KIDINS220: variants seen among roughly 807,000 people sequenced by gnomAD.
The protein encoded by KIDINS220 is kinase D-interacting substrate of 220 kDa.
KIDINS220 carries 63 observed loss-of-function variants against 157.6 expected under a neutral mutation model. The ratio of observed to expected loss-of-function variants is 0.40; its 90% CI spans 0.33 to 0.49. KIDINS220 has a LOEUF of 0.49. KIDINS220 is among the 20% of genes least tolerant of loss of function. KIDINS220 has a pLI of 0.66. For synonymous variants in KIDINS220, 732 were observed against 783.6 expected (o/e 0.93, Z 1.10); for missense variants, 1,772 against 2,171.2 (o/e 0.82, Z 3.65).
chr2:8,755,529 A>C (rs1667900818), intron 22 of KIDINS220, among the ~76,000 whole-genome samples: 1 of 152,254 alleles, frequency 6.6e-6, no homozygotes, highest in Non-Finnish European at 1.5e-5. Context: ...ATGCACACAA[A>C]GGTGTTCTTC....
chr2:8,768,877 T>C (rs1669813443), intron 22 of KIDINS220, among the ~76,000 whole-genome samples: 1 of 152,210 alleles, frequency 6.6e-6, no homozygotes, highest in Non-Finnish European at 1.5e-5. Context: ...TATATAATTA[T>C]TTTAAGTCAA....
chr2:8,758,847 T>C (rs1269480698), intron 22 of KIDINS220, among the ~76,000 whole-genome samples: 2 of 152,146 alleles, frequency 1.3e-5, no homozygotes, highest in African/African-American at 2.4e-5. Flanking sequence ...GGTCAGAAAG[T>C]AGACACTTTG....
chr2:8,727,211 C>A (rs1295311212), downstream of KIDINS220: 1 of 1,125,850 alleles, frequency 8.9e-7, no homozygotes, highest in East Asian at 6.0e-5. Flanking sequence ...ATGCTGCCCC[C>A]GCAAAAGAAC....
At chr2:8,723,821 A>T (rs1359517937), downstream of KIDINS220, 20 of 152,260 alleles carry the variant, frequency 1.3e-4, no homozygotes, top group Admixed American at 1.2e-3. Context: ...GGGCATTTCC[A>T]CAAAGGACTA....
chr2:8,812,485 A>G lies in KIDINS220; in HGVS notation c.414T>C (p.Val138=), dbSNP rs1362753944. 6.3e-7 allele frequency: 1 copy of G among 1,586,798 alleles called. No individual in the cohort carries two copies. The highest frequency in any genetic ancestry group is 1.8e-5 in the Admixed American group (1 of 56,894). Residue 138 remains valine, a synonymous_variant, in exon 6 of 30, where the codon GTT becomes GTC. Coordinates refer to ENST00000256707, the MANE Select transcript of KIDINS220 (RefSeq NM_020738.4). ...TCCCTGCTGCCCAAATGATTGGGTA[A>G]ACACTGTACTGCTAGGATAGATTGG... ...ANPSVTGLYS[V]YPIIWAAGRG... is the part of the protein sequence containing the mutation.
At chr2:8,758,900 G>A (rs1377236452) in intron 22 of KIDINS220, among the ~76,000 whole-genome samples, 1 of 152,184 alleles carries the variant, frequency 6.6e-6, no homozygotes, top group Non-Finnish European at 1.5e-5. Flanking sequence ...AGCTGAAGCT[G>A]TCCACATGCA....
In KIDINS220 at chr2:8,729,486, G is replaced by C. The variant is rs1253654644; in HGVS notation, c.*1234C>G. The C allele has an allele frequency of 2.0e-6, 2 of 985,062 alleles. No homozygotes were observed. Among genetic ancestry groups the C allele is most frequent in the African/African-American group, 3.5e-5 (2 of 57,194 alleles). The allele number at this position is 985,062 out of a possible 1,614,324, so 61.0% of individuals were successfully genotyped here. On this transcript the variant is annotated 3_prime_UTR_variant, in exon 30 of 30. Transcript: ENST00000256707. ...ACAATATTTCATTGCATGATGACAG[G>C]GTACATTTCTAGTCCACACAGTACT...
Position 8,731,687 on chromosome 2 carries a change from A to C in KIDINS220, c.4349T>G (p.Phe1450Cys). The C allele has an allele frequency of 6.2e-7, 1 of 1,614,204 alleles. No homozygotes were observed. The change falls in exon 30 of 30, where the codon TTT becomes TGT. Residue 1450 changes from phenylalanine to cysteine, a missense_variant. Phe to Cys is a radical substitution (Grantham distance 205). Coordinates refer to ENST00000256707, the MANE Select transcript of KIDINS220 (RefSeq NM_020738.4). This position sits in a 1 kb window ranked among gnomAD's most constrained non-coding sequence, Gnocchi z 5.2. Reference sequence around the variant, plus strand: ...GATAACATCTCCCCTCTTCATTAGAAAGGACTTCCTCCCATCATCGGGCTT... The same window carrying C: ...GATAACATCTCCCCTCTTCATTAGACAGGACTTCCTCCCATCATCGGGCTT... ...EPKPDDGRKS[F>C]LMKRGDVIDY...
chr2:8,757,675 T>C (rs1326151236), intron 22 of KIDINS220: 1 of 1,612,572 alleles, frequency 6.2e-7, no homozygotes, highest in Non-Finnish European at 8.5e-7. Context: ...CATGTCCTGC[T>C]TATTTGCAAA....
intron 29 of KIDINS220, 27 bp downstream of exon 29, chr2:8,733,417 A>G (rs1276787392): frequency 6.4e-7 from 1 of 1,550,812 alleles, no homozygotes. Context: ...TTCTTCAATA[A>G]TATGAAAAAT....
In KIDINS220 at chr2:8,750,049, G is replaced by A. The variant is rs56242974; in HGVS notation, c.3414+63C>T. The A allele has an allele frequency of 0.097, 135,696 of 1,394,098 alleles. 7,820 individuals carry two copies. The highest frequency in any genetic ancestry group is 0.12 in the Non-Finnish European group (119,063 of 1,000,834). The allele number at this position is 1,394,098 out of a possible 1,614,324, so 86.4% of individuals were successfully genotyped here. On this transcript the variant is annotated intron_variant, in intron 24 of 29. Coordinates refer to ENST00000256707, the MANE Select transcript of KIDINS220 (RefSeq NM_020738.4). Reference sequence around the variant, plus strand: ...TTTAAAACCAAAACAGAATCCACAAGCAGAAAACTGAGGTTTCCCTGTAAC... The same window carrying A: ...TTTAAAACCAAAACAGAATCCACAAACAGAAAACTGAGGTTTCCCTGTAAC...
chr2:8,728,345 AC>A, downstream of KIDINS220, among the ~76,000 whole-genome samples: 1 of 152,178 alleles, frequency 6.6e-6, no homozygotes, highest in South Asian at 2.1e-4. Context: ...AAACAAACAA[AC>A]AAACAAAACC....
chr2:8,761,009 A>G (rs1272873674), intron 22 of KIDINS220, among the ~76,000 whole-genome samples: 1 of 152,194 alleles, frequency 6.6e-6, no homozygotes, highest in Non-Finnish European at 1.5e-5. Flanking sequence ...AACTGACTCC[A>G]TGTGAAAATA....
intron 9 of KIDINS220, among the ~76,000 whole-genome samples, chr2:8,799,707 G>A (rs1213223945): frequency 6.6e-6 from 1 of 152,186 alleles, no homozygotes; most frequent in Non-Finnish European, 1.5e-5. Flanking sequence ...AATAGTTATA[G>A]TTTGATTCAA....
intron 26 of KIDINS220, among the ~76,000 whole-genome samples, chr2:8,744,392 TATATATATA>T (rs1167385872): frequency 0.02 from 535 of 26,760 alleles, 4 homozygotes; most frequent in Middle Eastern, 0.062. Context: ...AAAAAAAATA[TATATATATA>T]ATATATATAT....
chr2:8,756,666 C>T (rs1668052529), intron 22 of KIDINS220, among the ~76,000 whole-genome samples: 1 of 152,112 alleles, frequency 6.6e-6, no homozygotes, highest in Non-Finnish European at 1.5e-5. Flanking sequence ...CTTCCTAGGT[C>T]CTGACATCAA....
intron 1 of KIDINS220, 131 bp from the exon 2 acceptor site, chr2:8,827,260 C>T: frequency 2.1e-6 from 1 of 481,732 alleles, no homozygotes; most frequent in Non-Finnish European, 3.7e-6. Context: ...TACGACTTCC[C>T]ACGGCTTCCA....
chr2:8,802,938 G>T lies in KIDINS220; in HGVS notation c.793C>A (p.Pro265Thr). The change falls in exon 8 of 30, where the codon CCT becomes ACT. Residue 265 changes from proline (P) to threonine (T), a missense_variant. This residue lies in a region of KIDINS220 where 725 missense variants were observed against 1,017.1 expected (regional missense o/e 0.71). Transcript: ENST00000256707. ...LLDAGTYVNI[P>T]DRSGDTVLIG... ...TGAAATAGATGACCTACCCTGTCAG[G>T]TATGTTCACATATGTTCCAGCGTCG... 1 of 1,613,468 alleles carries T rather than the reference G, an allele frequency of 6.2e-7. No individual in the cohort carries two copies. Among genetic ancestry groups the T allele is most frequent in the Non-Finnish European group, 8.5e-7 (1 of 1,179,758 alleles).
In KIDINS220 at chr2:8,815,411, A is replaced by G. The variant is rs552276293; in HGVS notation, c.307-2076T>C. ...GACCCTGTCTCAAAAAAAAAAAAAGAAAAAGAAAAAAAAAGGGAGGCCTAG... is the reference window on the plus strand; with the variant it reads ...GACCCTGTCTCAAAAAAAAAAAAAGGAAAAGAAAAAAAAAGGGAGGCCTAG... On this transcript the variant is annotated intron_variant, in intron 4 of 29. Coordinates refer to ENST00000256707, the MANE Select transcript of KIDINS220 (RefSeq NM_020738.4). 1.1e-4 allele frequency among the ~76,000 whole-genome samples: 17 copies of G among 148,000 alleles called. 1 individual carries two copies. The East Asian group carries it at 3.0e-3, about 26-fold the overall frequency.
Sources: gnomAD v4.1 joint callset for allele counts (sites outside exome capture counted in the v4.1 genomes callset) on GRCh38, gnomAD v4.1.1 for gene constraint, gnomAD v4.1.1 regional missense constraint, Gnocchi (gnomAD v3.1) non-coding constraint, MANE v1.5 for transcripts, NCBI Gene and HGNC (gene_info 2026-07-23, HGNC 2026-07-21) for gene names.